The following APOB variants were observed in gnomAD, a reference collection of about 807,000 sequenced individuals.
The protein encoded by APOB is apolipoprotein B-100.
APOB carries 153 observed loss-of-function variants against 314.1 expected under a neutral mutation model. The ratio of observed to expected loss-of-function variants is 0.49; its 90% CI spans 0.43 to 0.56. The LOEUF is 0.56. Ranked by LOEUF, APOB falls within the 20% of genes least tolerant of loss-of-function variation. The probability of loss-of-function intolerance (pLI) is 0.00; values close to 1 mark genes in which losing one functional copy is unlikely to be tolerated. For missense variants in APOB, 5,430 were observed against 5,350.7 expected (o/e 1.01, Z -0.46); for synonymous variants, 2,087 against 2,036.4 (o/e 1.02, Z -0.67).
Position 21,037,332 on chromosome 2 carries a change from G to A in APOB, c.538-77C>T, listed in dbSNP as rs12714238. On this transcript the variant is annotated intron_variant, in intron 5 of 28. Transcript: ENST00000233242. ...GGGTACTTGGGAGGGATGGGGTGGG[G>A]ATCGTGAAAGAAAAAGCAGAAGGAA... 182 of 1,419,100 alleles carry A rather than the reference G, an allele frequency of 1.3e-4. No individual in the cohort carries two copies. In the African/African-American group the frequency reaches 2.3e-3, roughly 18 times the overall value. The allele number at this position is 1,419,100 out of a possible 1,614,324, so 87.9% of individuals were successfully genotyped here.
Position 21,006,633 on chromosome 2 carries a change from C to T in APOB, c.10235G>A (p.Ser3412Asn). 6.2e-7 allele frequency: 1 copy of T among 1,614,064 alleles called. No individual in the cohort carries two copies. ...ATTTTTCGTGGTTAAGCTCACAGTA[C>T]TGTTATGACTACCCTCCACAAATTT... ...SNKFVEGSHN[S>N]TVSLTTKNME... The change falls in exon 26 of 29, where the codon AGT becomes AAT. Residue 3412 changes from serine (S) to asparagine (N), a missense_variant. Coordinates refer to ENST00000233242, the MANE Select transcript of APOB (RefSeq NM_000384.3).
Position 21,005,136 on chromosome 2 carries a change from G to A in APOB, c.11732C>T (p.Thr3911Ile). 1 of 1,614,046 alleles carries A rather than the reference G, an allele frequency of 6.2e-7. No homozygotes were observed. Reference sequence around the variant, plus strand: ...TGAGCTGCATGTGGAATCCAGGACTGTTTCAACATAATCTGCTTTGTTTTT... The same window carrying A: ...TGAGCTGCATGTGGAATCCAGGACTATTTCAACATAATCTGCTTTGTTTTT... The part of the protein sequence containing the change: ...SLKNKADYVE[T>I]VLDSTCSSTV... The change falls in exon 26 of 29, where the codon ACA becomes ATA. Residue 3911 changes from threonine (T) to isoleucine (I), a missense_variant. Physicochemically the swap from Thr to Ile is moderately conservative, Grantham distance 89. Around this residue, in one of 3 missense-constraint regions of APOB, gnomAD observed 3,281 missense variants for 3,171.0 expected, o/e 1.03. Coordinates refer to ENST00000233242, the MANE Select transcript of APOB (RefSeq NM_000384.3).
At chr2:21,042,309 G>T in intron 3 of APOB, 52 bp downstream of exon 3, 1 of 1,453,308 alleles carries the variant, frequency 6.9e-7, no homozygotes, top group Non-Finnish European at 9.7e-7. Context: ...GCTGGAACAG[G>T]GCTGGGGGAA....
At chr2:21,039,552 C>T (rs1399223389) in intron 4 of APOB, among the ~76,000 whole-genome samples, 2 of 152,174 alleles carry the variant, frequency 1.3e-5, no homozygotes, top group Non-Finnish European at 2.9e-5. Context: ...AAGTTCCCAA[C>T]ACGAAGAAAT....
Position 21,010,967 on chromosome 2 carries a change from T to A in APOB, c.5901A>T (p.Lys1967Asn), listed in dbSNP as rs759930504. The A allele has an allele frequency of 1.9e-6, 3 of 1,614,200 alleles. No individual in the cohort carries two copies. The South Asian group carries it at 3.3e-5, about 18-fold the overall frequency. The change falls in exon 26 of 29, where the codon AAA becomes AAT. Residue 1967 changes from lysine (K) to asparagine (N), a missense_variant. Around this residue, in one of 3 missense-constraint regions of APOB, gnomAD observed 3,281 missense variants for 3,171.0 expected, o/e 1.03. Coordinates refer to ENST00000233242, the MANE Select transcript of APOB (RefSeq NM_000384.3). ...CAGCTGGAGTAAGCAGGGCACTGAC[T>A]TTGTGTTCAAGAGCTGCACTGATGC... ...RKSISAALEHKVSALLTPAEQ... is the reference protein window; with the variant it reads ...RKSISAALEHNVSALLTPAEQ...
intron 6 of APOB, among the ~76,000 whole-genome samples, chr2:21,036,866 G>C (rs1344393714): frequency 6.6e-6 from 1 of 152,166 alleles, no homozygotes; most frequent in Non-Finnish European, 1.5e-5. Context: ...CAGGAGGAAA[G>C]ACAGAGCTCT....
chr2:21,040,155 T>C (rs1360562634), intron 4 of APOB, among the ~76,000 whole-genome samples: 1 of 152,196 alleles, frequency 6.6e-6, no homozygotes, highest in African/African-American at 2.4e-5. Flanking sequence ...CCAGCCACCA[T>C]CTACATAAGA....
chr2:21,024,783 T>C (rs748099332), intron 16 of APOB, 150 bp downstream of exon 16: 1 of 806,218 alleles, frequency 1.2e-6, no homozygotes, highest in Non-Finnish European at 2.2e-6. Context: ...AAGAGTCATC[T>C]TCAGTGAAAT....
intron 4 of APOB, among the ~76,000 whole-genome samples, chr2:21,039,674 A>C (rs116047341): frequency 0.015 from 2,291 of 152,322 alleles, 53 homozygotes; most frequent in African/African-American, 0.052. Flanking sequence ...ATTGTATGTC[A>C]ATTTTTAAAA....
In APOB at chr2:21,037,952, C is replaced by T; in HGVS notation, c.537+6G>A. 1.2e-6 allele frequency: 2 copies of T among 1,614,178 alleles called. No individual in the cohort carries two copies. The highest frequency in any genetic ancestry group is 1.7e-6 in the Non-Finnish European group (2 of 1,180,034). On this transcript the variant is annotated splice_donor_region_variant and intron_variant, in intron 5 of 28. Coordinates refer to ENST00000233242, the MANE Select transcript of APOB (RefSeq NM_000384.3). ...GGCCACTGCTATCAGCTTTCTAAAT[C>T]CTCACCAGAAACAACACTTGCTTGG...
chr2:21,039,900 C>T (rs555323073), intron 4 of APOB, among the ~76,000 whole-genome samples: 376 of 152,280 alleles, frequency 2.5e-3, no homozygotes, highest in African/African-American at 8.7e-3. Flanking sequence ...AAAGGACTGG[C>T]ATCTGAATCT....
In APOB at chr2:21,006,869, G is replaced by A. The variant is rs1031207596; in HGVS notation, c.9999C>T (p.Ala3333=). The A allele has an allele frequency of 3.1e-6, 5 of 1,613,916 alleles. No individual in the cohort carries two copies. The highest frequency in any genetic ancestry group is 4.2e-6 in the Non-Finnish European group (5 of 1,179,972). ...AGAAATCATAGGTAATATTGCCCAT[G>A]GCAGGAATAAAAATATGGCTTATGG... ...LCTISHIFIP[A]MGNITYDFSF... Residue 3333 remains alanine (A), a synonymous_variant, in exon 26 of 29, where the codon GCC becomes GCT. Transcript: ENST00000233242.
intron 23 of APOB, 92 bp downstream of exon 23, chr2:21,014,981 A>G (rs1202817035): frequency 7.4e-6 from 10 of 1,345,848 alleles, no homozygotes; most frequent in African/African-American, 1.4e-5. Flanking sequence ...TGCCTTATAC[A>G]TCTTTGGAAA....
chr2:21,037,438 G>A (rs1344170228), intron 5 of APOB, among the ~76,000 whole-genome samples, 183 bp from the exon 6 acceptor site: 2 of 152,164 alleles, frequency 1.3e-5, no homozygotes, highest in Non-Finnish European at 2.9e-5. Flanking sequence ...AGTTGGGAGA[G>A]AGAAAACCAG....
chr2:21,017,453 T>A (rs1280060967), intron 20 of APOB, among the ~76,000 whole-genome samples: 2 of 152,144 alleles, frequency 1.3e-5, no homozygotes, highest in Non-Finnish European at 2.9e-5. Flanking sequence ...AGAGAAATTC[T>A]CTCTGATAAG....
rs374472329 is a variant in APOB at position 21,021,406 on chromosome 2, C to T, written c.2816+1425G>A. Among the ~76,000 whole-genome samples, 29 of 152,290 alleles carry T rather than the reference C, an allele frequency of 1.9e-4. No homozygotes were observed. The East Asian group carries it at 2.5e-3, about 13-fold the overall frequency. ...CGTAAGAGATGTCCAATGGTCTCTT[C>T]GTGTCCAGCTGTGCCTCCTTCTCAC... On this transcript the variant is annotated intron_variant, in intron 18 of 28. Coordinates refer to ENST00000233242, the MANE Select transcript of APOB (RefSeq NM_000384.3).
At position 21,005,877 on chromosome 2, in the gene APOB, G is replaced by T; in HGVS notation, c.10991C>A (p.Ser3664Tyr). 1 of 1,613,968 alleles carries T rather than the reference G, an allele frequency of 6.2e-7. No homozygotes were observed. The stretch of plus-strand genomic sequence containing the variant: ...GAGGAACCTTAGGTGTCCTTCTAAG[G>T]ATCCTGCAATGTCAAGGTGTGCCTT... Reference protein sequence around the residue: ...QEKAHLDIAGSLEGHLRFLKN... With the variant: ...QEKAHLDIAGYLEGHLRFLKN... Residue 3664 changes from serine (S) to tyrosine (Y), a missense_variant, in exon 26 of 29, where the codon TCC (serine) becomes TAC (tyrosine). Transcript: ENST00000233242.
chr2:21,025,776 G>T (rs1663716903), intron 15 of APOB, among the ~76,000 whole-genome samples: 1 of 152,206 alleles, frequency 6.6e-6, no homozygotes, highest in African/African-American at 2.4e-5. Context: ...GTCACATGAG[G>T]TCTTGCTAAA....
Position 21,031,873 on chromosome 2 carries a change from A to C in APOB, c.1352+481T>G, listed in dbSNP as rs1006366746. On this transcript the variant is annotated intron_variant, in intron 10 of 28. Coordinates refer to ENST00000233242, the MANE Select transcript of APOB (RefSeq NM_000384.3). ...AAAAAAACAACAACAACAAAAAAAA[A>C]CAAAACAAACAAACAAAAAAATTCA... Among the ~76,000 whole-genome samples, 8 of 152,204 alleles carry C rather than the reference A, an allele frequency of 5.3e-5. No individual in the cohort carries two copies. The East Asian group carries it at 5.8e-4, about 11-fold the overall frequency.
Sources: gnomAD v4.1 joint callset for allele counts (sites outside exome capture counted in the v4.1 genomes callset) on GRCh38, gnomAD v4.1.1 for gene constraint, gnomAD v4.1.1 regional missense constraint, MANE v1.5 for transcripts, NCBI Gene and HGNC (gene_info 2026-07-23, HGNC 2026-07-21) for gene names.